Variants in LZTS1 observed in about 807,000 individuals in gnomAD.
The protein encoded by LZTS1 is leucine zipper putative tumor suppressor 1.
Under a neutral mutation model 45.8 loss-of-function variants are expected in LZTS1, and 31 were observed. The observed-to-expected ratio is 0.68, with a 90% CI of 0.51 to 0.91. The LOEUF is 0.91. LZTS1 is among the 40% of genes least tolerant of loss of function. The probability of loss-of-function intolerance (pLI) is 0.00; values close to 1 mark genes in which losing one functional copy is unlikely to be tolerated. For missense variants in LZTS1, 821 were observed against 788.9 expected (o/e 1.04, Z -0.49); for synonymous variants, 359 against 357.3 (o/e 1.00, Z -0.05).
rs1324071693 is a variant in LZTS1, at chr8:20,288,285, C to T, written c.-135+15455G>A. Among the ~76,000 whole-genome samples, 3 of 152,202 alleles carry T rather than the reference C, an allele frequency of 2.0e-5. No homozygotes were observed. In the South Asian group the frequency reaches 6.2e-4, roughly 31 times the overall value. On this transcript the variant is annotated intron_variant, in intron 1 of 3. Transcript: ENST00000381569. ...TGTCAGGAGCCTCTGCAAAGGCTGA[C>T]TGCCAGCATCCCACGTCTCAGGAAG...
intron 1 of LZTS1, among the ~76,000 whole-genome samples, chr8:20,264,155 T>C (rs563092792): frequency 3.3e-5 from 5 of 152,232 alleles, no homozygotes; most frequent in Non-Finnish European, 5.9e-5. Context: ...TCATGTCATA[T>C]ATATCATTCT....
rs767201503 is a variant in LZTS1, at chr8:20,249,734, G to A, written c.1779C>T (p.Ala593=). The change falls in exon 4 of 4, where the codon GCC becomes GCT. Residue 593 remains alanine (A), a synonymous_variant. Transcript: ENST00000381569. ...CCCAGGCAGCCCCTCAGATCTCAGT[G>A]GCTATGATGTCCTCGTAGGGGATGT... The part of the protein sequence containing the change: ...GADIPYEDII[A]TEI The A allele has an allele frequency of 1.9e-6, 3 of 1,605,564 alleles. No homozygotes were observed. The highest frequency in any genetic ancestry group is 2.5e-6 in the Non-Finnish European group (3 of 1,177,696).
At chr8:20,302,948 C>T (rs78892398) in intron 1 of LZTS1, among the ~76,000 whole-genome samples, 191 of 152,162 alleles carry the variant, frequency 1.3e-3, no homozygotes, top group African/African-American at 4.5e-3. Context: ...CTCGGGGATG[C>T]CTGTTGCTGC....
chr8:20,291,199 C>T (rs980892903), intron 1 of LZTS1, among the ~76,000 whole-genome samples: 6 of 152,226 alleles, frequency 3.9e-5, no homozygotes, highest in South Asian at 2.1e-4. Context: ...AAGGTACCAA[C>T]GACTCCTTCC....
At chr8:20,282,418 A>G (rs1312890407) in intron 1 of LZTS1, among the ~76,000 whole-genome samples, 2 of 152,240 alleles carry the variant, frequency 1.3e-5, no homozygotes, top group Non-Finnish European at 2.9e-5. Flanking sequence ...TATGACAGAT[A>G]TGACCTGGGG....
intron 1 of LZTS1, chr8:20,289,226 C>T (rs190624776): frequency 6.6e-6 from 1 of 152,246 alleles, no homozygotes; most frequent in East Asian, 1.9e-4. Context: ...TCTTAAAGTG[C>T]TTGGAAGTCA....
At chr8:20,251,071 G>C in intron 3 of LZTS1, among the ~76,000 whole-genome samples, 1 of 132,802 alleles carries the variant, frequency 7.5e-6, no homozygotes, top group Admixed American at 8.5e-5. Flanking sequence ...ATAGCAAATA[G>C]CTGGTGAAGT....
chr8:20,298,782 G>GA (rs75929250), intron 1 of LZTS1, among the ~76,000 whole-genome samples: 2,378 of 152,244 alleles, frequency 0.016, 87 homozygotes, highest in East Asian at 0.12. Flanking sequence ...GAGGACTGGG[G>GA]ATCACTTGAG....
intron 1 of LZTS1, among the ~76,000 whole-genome samples, chr8:20,274,701 T>C (rs1048839116): frequency 2.0e-5 from 3 of 152,192 alleles, no homozygotes; most frequent in Non-Finnish European, 2.9e-5. Context: ...GTGAAAATAA[T>C]CTGGGACACA....
At chr8:20,300,589 C>T (rs1319314250) in intron 1 of LZTS1, among the ~76,000 whole-genome samples, 29 of 152,230 alleles carry the variant, frequency 1.9e-4, no homozygotes, top group Non-Finnish European at 1.2e-4. Flanking sequence ...GCCTCAGCCT[C>T]CCAAAGTGCT....
chr8:20,281,760 A>G (rs1168554049), intron 1 of LZTS1, among the ~76,000 whole-genome samples: 2 of 152,154 alleles, frequency 1.3e-5, no homozygotes, highest in East Asian at 3.9e-4. Flanking sequence ...CTGAGACCTC[A>G]CCAGAGCTGA....
rs1246539826 is a variant in LZTS1 at position 20,250,009 on chromosome 8, G to A, written c.1504C>T (p.Arg502Trp). Residue 502 changes from arginine to tryptophan, a missense_variant, in exon 4 of 4, where the codon CGG becomes TGG. Physicochemically the swap from Arg to Trp is moderately radical, Grantham distance 101. Coordinates refer to ENST00000381569, the MANE Select transcript of LZTS1 (RefSeq NM_021020.5). ...TFPEDVPALQ[R>W]ELERLRAELR... ...TCGGCCCGCAGCCGCTCCAGCTCCC[G>A]CTGCAGGGCAGGGACGTCCTCGGGG... 3.7e-6 allele frequency: 6 copies of A among 1,612,698 alleles called. No individual in the cohort carries two copies. The highest frequency in any genetic ancestry group is 5.1e-6 in the Non-Finnish European group (6 of 1,179,734).
intron 1 of LZTS1, among the ~76,000 whole-genome samples, chr8:20,256,676 C>A (rs1800111024): frequency 6.6e-6 from 1 of 152,114 alleles, no homozygotes; most frequent in Non-Finnish European, 1.5e-5. Flanking sequence ...GCTAAAGGAT[C>A]AGATGTAGGG....
chr8:20,253,376 G>A lies in LZTS1; in HGVS notation c.555C>T (p.His185=), dbSNP rs2128892271. 1 of 1,613,314 alleles carries A rather than the reference G, an allele frequency of 6.2e-7. No individual in the cohort carries two copies. The highest frequency in any genetic ancestry group is 8.5e-7 in the Non-Finnish European group (1 of 1,179,584). ...GRNSMSSLPT[H]STSSSYQLDP... is the part of the protein sequence containing the mutation. ...CCAGCTGGTAGCTGCTGCTGGTGCT[G>A]TGTGTGGGCAGGCTGGACATGGAGT... is the stretch of plus-strand genomic sequence containing the variant. Residue 185 remains histidine (H), a synonymous_variant, in exon 3 of 4, where the codon CAC becomes CAT. Transcript: ENST00000381569.
intron 1 of LZTS1, among the ~76,000 whole-genome samples, chr8:20,273,585 G>C (rs1800517622): frequency 6.6e-6 from 1 of 151,972 alleles, no homozygotes; most frequent in Admixed American, 6.6e-5. Context: ...CCAGAAACCG[G>C]TCCCAAGAAA....
At chr8:20,291,147 A>G (rs1018731036) in intron 1 of LZTS1, among the ~76,000 whole-genome samples, 1 of 152,244 alleles carries the variant, frequency 6.6e-6, no homozygotes, top group African/African-American at 2.4e-5. Context: ...ATCTATTTTA[A>G]CGTAGTCAGA....
At chr8:20,280,809 C>T (rs1001527899) in intron 1 of LZTS1, among the ~76,000 whole-genome samples, 2 of 152,130 alleles carry the variant, frequency 1.3e-5, no homozygotes, top group Admixed American at 6.5e-5. Flanking sequence ...GTTCTGGGAG[C>T]TGCACTCCCT....
intron 1 of LZTS1, among the ~76,000 whole-genome samples, chr8:20,288,804 C>T (rs947873368): frequency 6.6e-6 from 1 of 152,152 alleles, no homozygotes; most frequent in African/African-American, 2.4e-5. Context: ...CCAACCCTCC[C>T]CTCTGGGTTC....
intron 1 of LZTS1, among the ~76,000 whole-genome samples, chr8:20,257,815 G>A (rs753850746): frequency 2.0e-5 from 3 of 151,958 alleles, no homozygotes; most frequent in African/African-American, 4.8e-5. Flanking sequence ...GATTACAGGT[G>A]AGCACCACCA....
Sources: gnomAD v4.1 joint callset for allele counts (sites outside exome capture counted in the v4.1 genomes callset) on GRCh38, gnomAD v4.1.1 for gene constraint, MANE v1.5 for transcripts, NCBI Gene and HGNC (gene_info 2026-07-23, HGNC 2026-07-21) for gene names.